Variants in NLGN1 observed in about 807,000 individuals in gnomAD.
NLGN1 encodes neuroligin 1, also known as neuroligin-1.
NLGN1 carries 12 observed loss-of-function variants against 65.5 expected under a neutral mutation model. The ratio of observed to expected loss-of-function variants is 0.18; its 90% confidence interval spans 0.12 to 0.30. NLGN1 has a LOEUF of 0.30. Ranked by LOEUF, NLGN1 falls within the 10% of genes least tolerant of loss-of-function variation. The pLI is 1.00. For synonymous variants in NLGN1, 350 were observed against 359.5 expected, an observed-to-expected ratio of 0.97 and a Z score of 0.30; for missense variants, 750 against 1,007.1, an observed-to-expected ratio of 0.74 and a Z score of 3.46.
intron 2 of NLGN1, among the ~76,000 whole-genome samples, chr3:173,493,419 G>C (rs185494637): frequency 6.6e-6 from 1 of 151,984 alleles, no homozygotes; most frequent in African/African-American, 2.4e-5. Flanking sequence ...TGAAGCTGCT[G>C]ATAAAATTGG....
At chr3:173,531,107 CACTT>C (rs1347987539) in intron 2 of NLGN1, among the ~76,000 whole-genome samples, 6 of 151,886 alleles carry the variant, frequency 4.0e-5, no homozygotes, top group Admixed American at 3.3e-4. Flanking sequence ...TGTATTGTGA[CACTT>C]ACTTTTCTTT....
intron 4 of NLGN1, among the ~76,000 whole-genome samples, chr3:173,978,434 C>T (rs1241021224): frequency 2.0e-5 from 3 of 151,700 alleles, no homozygotes; most frequent in Admixed American, 6.6e-5. Flanking sequence ...ATGTTGAGTA[C>T]GTAGATAAAA....
chr3:173,860,698 CTG>C (rs1323640433), intron 4 of NLGN1, among the ~76,000 whole-genome samples: 1 of 152,114 alleles, frequency 6.6e-6, no homozygotes, highest in Non-Finnish European at 1.5e-5. Context: ...ACCCTCTAGT[CTG>C]TAATAAAGAG....
chr3:173,650,561 A>G (rs1412556744), intron 3 of NLGN1, among the ~76,000 whole-genome samples: 1 of 152,152 alleles, frequency 6.6e-6, no homozygotes, highest in Non-Finnish European at 1.5e-5. Context: ...CACATTGTGC[A>G]TTAAATTTGT....
chr3:174,267,030 G>T (rs1399480677), intron 4 of NLGN1, among the ~76,000 whole-genome samples: 1 of 152,016 alleles, frequency 6.6e-6, no homozygotes, highest in African/African-American at 2.4e-5. Context: ...TTCTAATAAT[G>T]ATAATTTTAT....
At chr3:173,537,421 G>A (rs1737617378) in intron 2 of NLGN1, among the ~76,000 whole-genome samples, 1 of 151,872 alleles carries the variant, frequency 6.6e-6, no homozygotes, top group Non-Finnish European at 1.5e-5. Context: ...TAAATACTGT[G>A]ATATAAAGTC....
In NLGN1 at chr3:173,459,018, G is replaced by A. The variant is rs182335899; in HGVS notation, c.-321+23940G>A. On this transcript the variant is annotated intron_variant, in intron 2 of 6. Coordinates refer to ENST00000457714, the Ensembl canonical transcript of NLGN1. Reference sequence around the variant, plus strand: ...TTCACCCATTCTCCAGCCACAGAGAGCCTGAAAGAGCAAAGATCTAGCATC... The same window carrying A: ...TTCACCCATTCTCCAGCCACAGAGAACCTGAAAGAGCAAAGATCTAGCATC... Among the ~76,000 whole-genome samples, 379 of 152,138 alleles carry A rather than the reference G, an allele frequency of 2.5e-3. 1 individual carries two copies. The highest frequency in any genetic ancestry group is 0.01 in the Middle Eastern group (3 of 294).
intron 4 of NLGN1, among the ~76,000 whole-genome samples, chr3:174,245,547 T>C (rs1248706798): frequency 1.3e-5 from 2 of 152,120 alleles, no homozygotes; most frequent in Non-Finnish European, 2.9e-5. Context: ...TCACCTGGAA[T>C]TAAAAACCAT....
At chr3:173,880,994 A>C (rs944622907) in intron 4 of NLGN1, among the ~76,000 whole-genome samples, 43 of 152,050 alleles carry the variant, frequency 2.8e-4, no homozygotes, top group Admixed American at 2.0e-4. Flanking sequence ...CTCAAAAAAA[A>C]CCACTTTCTT....
intron 2 of NLGN1, among the ~76,000 whole-genome samples, chr3:173,444,859 C>T (rs898532233): frequency 2.0e-5 from 3 of 151,874 alleles, no homozygotes; most frequent in African/African-American, 7.3e-5. Flanking sequence ...TACACACATA[C>T]TCACACACAT....
intron 2 of NLGN1, among the ~76,000 whole-genome samples, chr3:173,532,686 T>A (rs1736786023): frequency 6.6e-6 from 1 of 152,228 alleles, no homozygotes; most frequent in South Asian, 2.1e-4. Flanking sequence ...TCTTTTTTAT[T>A]TCTAAGGTTG....
chr3:173,478,096 A>G (rs192948098), intron 2 of NLGN1, among the ~76,000 whole-genome samples: 1 of 152,324 alleles, frequency 6.6e-6, no homozygotes, highest in African/African-American at 2.4e-5. Flanking sequence ...ACAAAGATAC[A>G]TGCATGCATA....
chr3:173,970,001 C>G (rs1715839177), intron 4 of NLGN1, among the ~76,000 whole-genome samples: 1 of 151,528 alleles, frequency 6.6e-6, no homozygotes, highest in Admixed American at 6.6e-5. Context: ...GAACTCTATA[C>G]TAGTTCACTT....
rs116818873 is a variant in NLGN1, at chr3:174,098,693, C to A, written c.647-176622C>A. Reference sequence around the variant, plus strand: ...CTGATTTAATCAGTTCAGTGTTAGGCCTGAGTCACTGCATTTCAAACCACA... The same window carrying A: ...CTGATTTAATCAGTTCAGTGTTAGGACTGAGTCACTGCATTTCAAACCACA... On this transcript the variant is annotated intron_variant, in intron 4 of 6. Coordinates refer to ENST00000457714, the Ensembl canonical transcript of NLGN1. 4.0e-3 allele frequency among the ~76,000 whole-genome samples: 614 copies of A among 152,204 alleles called. 4 individuals carry two copies. Among genetic ancestry groups the A allele is most frequent in the African/African-American group, 0.014 (585 of 41,536 alleles).
Position 173,585,921 on chromosome 3 carries a change from A to G in NLGN1, c.-320-18358A>G, listed in dbSNP as rs560642718. Among the ~76,000 whole-genome samples, 4 of 152,326 alleles carry G rather than the reference A, an allele frequency of 2.6e-5. No individual in the cohort carries two copies. In the South Asian group the frequency reaches 8.3e-4, roughly 32 times the overall value. On this transcript the variant is annotated intron_variant, in intron 2 of 6. Transcript: ENST00000457714. ...CAGAAGGAAATCAATTTCAGCAGCT[A>G]TAATTAATCACTCAAATCAGTGAAT...
intron 4 of NLGN1, among the ~76,000 whole-genome samples, chr3:174,202,121 T>C (rs1315151857): frequency 6.6e-6 from 1 of 152,172 alleles, no homozygotes; most frequent in Non-Finnish European, 1.5e-5. Flanking sequence ...CTACCTTTCA[T>C]CTTATCCCTC....
At chr3:174,167,891 C>T (rs1727826143) in intron 4 of NLGN1, among the ~76,000 whole-genome samples, 1 of 151,802 alleles carries the variant, frequency 6.6e-6, no homozygotes, top group Non-Finnish European at 1.5e-5. Context: ...AAACGCTTTC[C>T]TCAGTTTAAA....
chr3:173,853,728 A>G (rs534141958), intron 4 of NLGN1, among the ~76,000 whole-genome samples: 1 of 152,174 alleles, frequency 6.6e-6, no homozygotes, highest in Admixed American at 6.5e-5. Flanking sequence ...ATTTAAAAAT[A>G]TTGACTATGT....
Position 174,082,167 on chromosome 3 carries a change from A to G in NLGN1, c.647-193148A>G, listed in dbSNP as rs565990711. The stretch of plus-strand genomic sequence containing the variant: ...CTCCTGTATTTAAAGAGAAAATATC[A>G]AACAACTTTAATAGAGCCTTCCATC... On this transcript the variant is annotated intron_variant, in intron 4 of 6. Transcript: ENST00000457714. Among the ~76,000 whole-genome samples, 101 of 152,320 alleles carry G rather than the reference A, an allele frequency of 6.6e-4. 1 individual carries two copies. Among genetic ancestry groups the G allele is most frequent in the Admixed American group, 6.3e-3 (96 of 15,296 alleles).
Sources: gnomAD v4.1 joint callset for allele counts (sites outside exome capture counted in the v4.1 genomes callset) on GRCh38, gnomAD v4.1.1 for gene constraint, MANE v1.5 for transcripts, NCBI Gene and HGNC (gene_info 2026-07-23, HGNC 2026-07-21) for gene names.